GRM1: variants seen among roughly 807,000 people sequenced by gnomAD.
GRM1 encodes glutamate metabotropic receptor 1, also known as metabotropic glutamate receptor 1.
GRM1 carries 33 observed loss-of-function variants against 90.9 expected under a neutral mutation model. That is an observed-to-expected ratio of 0.36 (90% CI 0.28 to 0.49). GRM1 has a LOEUF of 0.49. Among genes scored for constraint, GRM1 ranks in the 20% least tolerant of loss-of-function variants. The pLI is 0.99. For missense variants in GRM1, 1,190 were observed against 1,534.3 expected, an observed-to-expected ratio of 0.78 and a Z score of 3.75; for synonymous variants, 700 against 613.2, an observed-to-expected ratio of 1.14 and a Z score of -2.09.
intron 1 of GRM1, among the ~76,000 whole-genome samples, chr6:146,131,378 C>A (rs1262874683): frequency 1.3e-5 from 2 of 151,792 alleles, no homozygotes; most frequent in African/African-American, 4.8e-5. Flanking sequence ...AATTAGGAGC[C>A]CTGGGTTTCA....
intron 7 of GRM1, among the ~76,000 whole-genome samples, chr6:146,424,644 T>C (rs1208253787): frequency 6.6e-6 from 1 of 152,242 alleles, no homozygotes; most frequent in Non-Finnish European, 1.5e-5. Context: ...GAGATTGTGT[T>C]TGTCTGTCTG....
At chr6:146,158,775 C>T (rs140321890) in intron 1 of GRM1, among the ~76,000 whole-genome samples, 2 of 152,312 alleles carry the variant, frequency 1.3e-5, no homozygotes, top group East Asian at 3.9e-4. Context: ...ACACAAACCT[C>T]TCATAATCCC....
intron 5 of GRM1, among the ~76,000 whole-genome samples, chr6:146,377,831 A>C (rs1377345831): frequency 6.6e-6 from 1 of 152,172 alleles, no homozygotes; most frequent in African/African-American, 2.4e-5. Context: ...AAATGGGCCA[A>C]GGTAGAGCTC....
In GRM1 at chr6:146,399,556, T is replaced by A; in HGVS notation, c.2517T>A (p.Ile839=). Residue 839 remains isoleucine (I), a synonymous_variant, in exon 7 of 8, where the codon ATT becomes ATA. Coordinates refer to ENST00000282753, the MANE Select transcript of GRM1 (RefSeq NM_001278064.2). This position sits in a 1 kb window ranked among gnomAD's most constrained non-coding sequence, Gnocchi z 5.4. ...CMFTPKMYII[I]AKPERNVRSA... ...TCACTCCCAAGATGTACATCATTATTGCCAAGCCTGAGAGGAATGTCCGCA... is the reference window on the plus strand; with the variant it reads ...TCACTCCCAAGATGTACATCATTATAGCCAAGCCTGAGAGGAATGTCCGCA... 1 of 1,614,150 alleles carries A rather than the reference T, an allele frequency of 6.2e-7. No individual in the cohort carries two copies. Among genetic ancestry groups the A allele is most frequent in the Non-Finnish European group, 8.5e-7 (1 of 1,179,998 alleles).
chr6:146,101,037 G>A (rs1777033208), intron 1 of GRM1, among the ~76,000 whole-genome samples: 1 of 152,150 alleles, frequency 6.6e-6, no homozygotes, highest in Non-Finnish European at 1.5e-5. Context: ...AGGCTGTAGA[G>A]AGCTATGATT....
intron 2 of GRM1, among the ~76,000 whole-genome samples, chr6:146,290,159 A>G (rs1782922655): frequency 6.6e-6 from 1 of 152,146 alleles, no homozygotes; most frequent in African/African-American, 2.4e-5. Context: ...AAAAGATCAA[A>G]AGATAAGTGT....
intron 1 of GRM1, among the ~76,000 whole-genome samples, chr6:146,141,494 A>G (rs879323764): frequency 1.3e-5 from 2 of 151,900 alleles, no homozygotes; most frequent in South Asian, 2.1e-4. Context: ...CTCTTTCTCC[A>G]TCTCCTCTTT....
chr6:146,119,722 G>C (rs766364870), intron 1 of GRM1, among the ~76,000 whole-genome samples: 2 of 152,184 alleles, frequency 1.3e-5, no homozygotes, highest in South Asian at 4.2e-4. Flanking sequence ...TCTTGTTTTT[G>C]TCAGGTTTGT....
At chr6:146,154,133 T>A (rs1777436666) in intron 1 of GRM1, among the ~76,000 whole-genome samples, 1 of 152,194 alleles carries the variant, frequency 6.6e-6, no homozygotes, top group African/African-American at 2.4e-5. Flanking sequence ...GCAAAGAGCA[T>A]TCTTGTTCGT....
intron 2 of GRM1, among the ~76,000 whole-genome samples, chr6:146,211,676 T>C (rs1779691625): frequency 6.6e-6 from 1 of 152,246 alleles, no homozygotes; most frequent in African/African-American, 2.4e-5. Flanking sequence ...AATCCATGAC[T>C]ATACTTAAAT....
intron 2 of GRM1, among the ~76,000 whole-genome samples, chr6:146,293,038 T>G (rs1243483522): frequency 6.6e-6 from 1 of 151,996 alleles, no homozygotes; most frequent in East Asian, 1.9e-4. Flanking sequence ...TATTGTGTGA[T>G]TACATTTGCA....
chr6:146,090,822 C>T (rs752530489), intron 1 of GRM1, among the ~76,000 whole-genome samples: 31 of 152,034 alleles, frequency 2.0e-4, no homozygotes, highest in Non-Finnish European at 4.3e-4. Flanking sequence ...AAGCATGGCC[C>T]ACATTCTGGC....
At chr6:146,328,473 T>C (rs1262581415) in intron 3 of GRM1, among the ~76,000 whole-genome samples, 2 of 152,222 alleles carry the variant, frequency 1.3e-5, no homozygotes, top group African/African-American at 4.8e-5. Flanking sequence ...TGGGCCTCAG[T>C]TGCCTCATAT....
At chr6:146,030,394 T>C (rs1253077510) in intron 1 of GRM1, among the ~76,000 whole-genome samples, 177 bp downstream of exon 1, 1 of 152,194 alleles carries the variant, frequency 6.6e-6, no homozygotes, top group Non-Finnish European at 1.5e-5. Flanking sequence ...ACAATTATAG[T>C]GTAGGAAAAT....
At chr6:146,343,916 T>G (rs1324470828) in intron 3 of GRM1, among the ~76,000 whole-genome samples, 1 of 152,172 alleles carries the variant, frequency 6.6e-6, no homozygotes, top group African/African-American at 2.4e-5. Flanking sequence ...AGAATTGTAT[T>G]AGAAACCAAG....
At chr6:146,113,043 C>T (rs1010630496) in intron 1 of GRM1, among the ~76,000 whole-genome samples, 5 of 152,144 alleles carry the variant, frequency 3.3e-5, no homozygotes, top group Non-Finnish European at 5.9e-5. Context: ...TTCCTTTCGA[C>T]AAAAACATCA....
intron 7 of GRM1, among the ~76,000 whole-genome samples, chr6:146,406,224 A>G (rs1777342826): frequency 6.6e-6 from 1 of 152,078 alleles, no homozygotes; most frequent in African/African-American, 2.4e-5. Context: ...ATTAATGGAG[A>G]ACTATGACAA....
At chr6:146,150,618 A>G (rs1400953060) in intron 1 of GRM1, among the ~76,000 whole-genome samples, 3 of 152,148 alleles carry the variant, frequency 2.0e-5, no homozygotes, top group Non-Finnish European at 4.4e-5. Context: ...TTTGTTAACT[A>G]TAGTCACCCT....
intron 2 of GRM1, among the ~76,000 whole-genome samples, chr6:146,255,324 CA>C (rs1383720613): frequency 2.0e-5 from 3 of 152,016 alleles, no homozygotes; most frequent in Non-Finnish European, 4.4e-5. Context: ...AGTCTTTCAC[CA>C]AAGCATTATT....
Sources: allele counts gnomAD v4.1 joint callset (sites outside exome capture counted in the v4.1 genomes callset), GRCh38; gene constraint gnomAD v4.1.1; non-coding constraint Gnocchi (gnomAD v3.1); transcripts MANE v1.5; gene names NCBI Gene and HGNC (gene_info 2026-07-23, HGNC 2026-07-21).